The following NDUFS1 variants were observed in gnomAD, a reference collection of about 807,000 sequenced individuals.
NDUFS1 encodes the protein NADH-ubiquinone oxidoreductase 75 kDa subunit, mitochondrial.
NDUFS1 carries 61 observed loss-of-function variants against 84.4 expected under a neutral mutation model. The ratio of observed to expected loss-of-function variants is 0.72; its 90% CI spans 0.59 to 0.89. The LOEUF (loss-of-function observed/expected upper bound fraction) is 0.89, where lower values mean the gene tolerates loss of function less well. NDUFS1 is among the 40% of genes least tolerant of loss of function. The pLI is 0.00. For missense variants in NDUFS1, 891 were observed against 890.0 expected, an observed-to-expected ratio of 1.00 and a Z score of -0.01; for synonymous variants, 275 against 290.0, an observed-to-expected ratio of 0.95 and a Z score of 0.53.
At chr2:206,152,104 G>A (rs949353303) in intron 3 of NDUFS1, among the ~76,000 whole-genome samples, 5 of 152,032 alleles carry the variant, frequency 3.3e-5, no homozygotes, top group South Asian at 4.1e-4. Context: ...TGAATGATCC[G>A]CCCGCCTCGG....
intron 18 of NDUFS1, 38 bp from the exon 19 acceptor site, chr2:206,124,314 ACTTTTT>A: frequency 6.7e-7 from 1 of 1,502,600 alleles, no homozygotes; most frequent in Non-Finnish European, 9.3e-7. Context: ...TGATAATACA[ACTTTTT>A]AAAAAGCACA....
rs367723817 is a variant in NDUFS1, at chr2:206,140,943, T to TATATATATACACACACACAC, written c.1262+997_1262+998insGTGTGTGTGTGTATATATAT. On this transcript the variant is annotated intron_variant, in intron 12 of 18. Transcript: ENST00000233190. ...GTGTGTATATATATATATATATATATACACACACACTGAGAATCATAATAC... is the reference window on the plus strand; with the variant it reads ...GTGTGTATATATATATATATATATATATATATATACACACACACACACACACACACTGAGAATCATAATAC... Among the ~76,000 whole-genome samples, 1,275 of 136,046 alleles carry TATATATATACACACACACAC rather than the reference T, an allele frequency of 9.4e-3. 14 individuals are homozygous for TATATATATACACACACACAC. Among genetic ancestry groups the TATATATATACACACACACAC allele is most frequent in the Middle Eastern group, 0.023 (6 of 256 alleles). The allele number at this position is 136,046 out of a possible 152,430, so 89.3% of individuals were successfully genotyped here. A position where few individuals can be genotyped will look rare whatever the true frequency, so the allele number is the denominator to read the frequency against.
intron 13 of NDUFS1, among the ~76,000 whole-genome samples, chr2:206,135,143 C>T (rs1358460591): frequency 6.6e-6 from 1 of 151,964 alleles, no homozygotes; most frequent in African/African-American, 2.4e-5. Flanking sequence ...CTCAGCCTCC[C>T]AAGTAGCTGA....
chr2:206,136,438 G>GGT (rs1691718054), intron 13 of NDUFS1, among the ~76,000 whole-genome samples: 1 of 125,950 alleles, frequency 7.9e-6, no homozygotes, highest in African/African-American at 3.0e-5. Context: ...TTTTTTTTTT[G>GGT]TTTTTTTTTT....
At position 206,142,801 on chromosome 2, in the gene NDUFS1, C is replaced by T; in HGVS notation, c.1018G>A (p.Ala340Thr). 5 of 1,614,190 alleles carry T rather than the reference C, an allele frequency of 3.1e-6. No homozygotes were observed. The highest frequency in any genetic ancestry group is 4.2e-6 in the Non-Finnish European group (5 of 1,180,044). The change falls in exon 11 of 19, where the codon GCA (alanine) becomes ACA (threonine). Residue 340 changes from alanine (A) to threonine (T), a missense_variant. Coordinates refer to ENST00000233190, the MANE Select transcript of NDUFS1 (RefSeq NM_005006.7). ...LQSFQGKDVA[A>T]IAGGLVDAEA... ...GCATCCACCAAGCCACCTGCAATTG[C>T]TGCCACATCTTTGCCTTGAAAACTC...
At chr2:206,131,807 C>A (rs895026917) in intron 14 of NDUFS1, among the ~76,000 whole-genome samples, 2 of 152,058 alleles carry the variant, frequency 1.3e-5, no homozygotes, top group East Asian at 3.9e-4. Flanking sequence ...GGCATAGTGG[C>A]ACGCGCCTGT....
chr2:206,149,943 A>T lies in NDUFS1; in HGVS notation c.154-18T>A. On this transcript the variant is annotated intron_variant, in intron 3 of 18. Coordinates refer to ENST00000233190, the MANE Select transcript of NDUFS1 (RefSeq NM_005006.7). ...TCACAAGCCTAGAAGTAAAAAAAAAAAAAAAAAAAAAAAAAGCATTAGAAT... is the reference window on the plus strand; with the variant it reads ...TCACAAGCCTAGAAGTAAAAAAAAATAAAAAAAAAAAAAAAGCATTAGAAT... 24 of 1,474,448 alleles carry T rather than the reference A, an allele frequency of 1.6e-5. No homozygotes were observed. Among genetic ancestry groups the T allele is most frequent in the Non-Finnish European group, 2.1e-5 (22 of 1,064,404 alleles). The allele number at this position is 1,474,448 out of a possible 1,614,324, so 91.3% of individuals were successfully genotyped here.
intron 5 of NDUFS1, among the ~76,000 whole-genome samples, chr2:206,148,386 T>A (rs529979522): frequency 6.6e-6 from 1 of 152,198 alleles, no homozygotes; most frequent in Non-Finnish European, 1.5e-5. Flanking sequence ...CTCGAGCTCC[T>A]GGGCTCAAGT....
chr2:206,140,627 T>C (rs1159157176), intron 12 of NDUFS1, among the ~76,000 whole-genome samples: 1 of 151,920 alleles, frequency 6.6e-6, no homozygotes, highest in Admixed American at 6.6e-5. Flanking sequence ...ATTACAGGCA[T>C]GCGCCACCAT....
intron 13 of NDUFS1, among the ~76,000 whole-genome samples, chr2:206,137,915 C>G (rs1691782995): frequency 6.6e-6 from 1 of 152,158 alleles, no homozygotes; most frequent in Admixed American, 6.6e-5. Context: ...AAATTAAACT[C>G]TGGCAAATAA....
chr2:206,122,885 C>G lies in NDUFS1; in HGVS notation c.*1300G>C, dbSNP rs1261480375. The G allele has an allele frequency of 6.6e-6, 1 of 152,014 alleles. No homozygotes were observed. The highest frequency in any genetic ancestry group is 1.5e-5 in the Non-Finnish European group (1 of 68,088). 9.4% of individuals were successfully genotyped at this position (152,014 alleles called of 1,614,324 possible). A position where few individuals can be genotyped will look rare whatever the true frequency, so the allele number is the denominator to read the frequency against. ...GAGTAGCTGGGACTATAGGTGTACACCACCACACCCAGCTAATTTTTGTAT... is the reference window on the plus strand; with the variant it reads ...GAGTAGCTGGGACTATAGGTGTACAGCACCACACCCAGCTAATTTTTGTAT... On this transcript the variant is annotated 3_prime_UTR_variant, in exon 19 of 19. Coordinates refer to ENST00000233190, the MANE Select transcript of NDUFS1 (RefSeq NM_005006.7).
chr2:206,129,160 C>A (rs774647234), intron 15 of NDUFS1, among the ~76,000 whole-genome samples: 23 of 152,098 alleles, frequency 1.5e-4, no homozygotes, highest in Non-Finnish European at 8.8e-5. Flanking sequence ...ATAATTTGTG[C>A]ACATTTGTAT....
chr2:206,159,235 C>G lies in NDUFS1; in HGVS notation c.-5+106G>C, dbSNP rs980933028. 1.9e-5 allele frequency: 23 copies of G among 1,190,680 alleles called. No individual in the cohort carries two copies. In the African/African-American group the frequency reaches 3.2e-4, roughly 16 times the overall value. The allele number at this position is 1,190,680 out of a possible 1,614,324, so 73.8% of individuals were successfully genotyped here. A position where few individuals can be genotyped will look rare whatever the true frequency, so the allele number is the denominator to read the frequency against. On this transcript the variant is annotated intron_variant, in intron 1 of 18. Coordinates refer to ENST00000233190, the MANE Select transcript of NDUFS1 (RefSeq NM_005006.7). ...GGCGGGGCGGGAGGCGGCGCCCAGT[C>G]AAGGACAACAGAAGACTACGTCGCG...
intron 13 of NDUFS1, among the ~76,000 whole-genome samples, chr2:206,137,605 C>T (rs984418610): frequency 5.3e-5 from 8 of 152,050 alleles, no homozygotes; most frequent in Non-Finnish European, 1.2e-4. Flanking sequence ...AAAGTCTGAC[C>T]CTGGAATTTC....
chr2:206,144,642 T>C (rs898561142), intron 9 of NDUFS1, among the ~76,000 whole-genome samples: 3 of 152,158 alleles, frequency 2.0e-5, no homozygotes, highest in Non-Finnish European at 4.4e-5. Flanking sequence ...CTGAAATAAG[T>C]TGAGAATGTA....
At chr2:206,149,371 C>T (rs1453290773) in intron 4 of NDUFS1, among the ~76,000 whole-genome samples, 1 of 152,110 alleles carries the variant, frequency 6.6e-6, no homozygotes, top group Non-Finnish European at 1.5e-5. Flanking sequence ...TGAAACAGAA[C>T]ACCAAATAAC....
Position 206,118,127 on chromosome 2 carries a change from C to T in NDUFS1, c.*6058G>A, listed in dbSNP as rs757132710. 5.9e-5 allele frequency: 9 copies of T among 152,106 alleles called. No individual in the cohort carries two copies. The highest frequency in any genetic ancestry group is 1.5e-5 in the Non-Finnish European group (1 of 68,020). 9.4% of individuals were successfully genotyped at this position (152,106 alleles called of 1,614,324 possible). On this transcript the variant is annotated 3_prime_UTR_variant, in exon 19 of 19. Transcript: ENST00000233190. The stretch of plus-strand genomic sequence containing the variant: ...TTTTGAGTATCAGCAATAGGTAAGT[C>T]AATCTCTAAACATTTTCAGTAGTGA...
intron 10 of NDUFS1, 26 bp from the exon 11 acceptor site, chr2:206,142,857 C>G: frequency 6.2e-7 from 1 of 1,613,766 alleles, no homozygotes; most frequent in African/African-American, 1.3e-5. Context: ...AAGGGCATCA[C>G]CAAGAAACCT....
At position 206,115,860 on chromosome 2, in the gene NDUFS1, T is replaced by C; in HGVS notation, c.*8325A>G. ...CTAATTTTTACCATGGATAATTTCA[T>C]GGATAATTTCATGAATACTAGAGCC... On this transcript the variant is annotated 3_prime_UTR_variant, in exon 19 of 19. Transcript: ENST00000233190. 1 of 507,738 alleles carries C rather than the reference T, an allele frequency of 2.0e-6. No homozygotes were observed. The highest frequency in any genetic ancestry group is 3.6e-6 in the Non-Finnish European group (1 of 279,324). The allele number at this position is 507,738 out of a possible 1,614,324, so 31.5% of individuals were successfully genotyped here. A position where few individuals can be genotyped will look rare whatever the true frequency, so the allele number is the denominator to read the frequency against.
Sources: allele counts gnomAD v4.1 joint callset (sites outside exome capture counted in the v4.1 genomes callset), GRCh38; gene constraint gnomAD v4.1.1; transcripts MANE v1.5; gene names NCBI Gene and HGNC (gene_info 2026-07-23, HGNC 2026-07-21).